Variants in NFAT5 observed in about 807,000 individuals in gnomAD.
NFAT5 encodes nuclear factor of activated T cells 5, also known as nuclear factor of activated T-cells 5.
Under a neutral mutation model 166.5 loss-of-function variants are expected in NFAT5, and 31 were observed. That is an observed-to-expected ratio of 0.19 (90% confidence interval 0.14 to 0.25). NFAT5 has a LOEUF of 0.25. NFAT5 is among the 10% of genes least tolerant of loss of function. NFAT5 has a pLI of 1.00. For synonymous variants in NFAT5, 612 were observed against 639.7 expected (o/e 0.96, Z 0.65); for missense variants, 1,449 against 1,821.8 (o/e 0.80, Z 3.72).
At position 69,693,010 on chromosome 16, in the gene NFAT5, G is replaced by A; in HGVS notation, c.3185G>A (p.Gly1062Asp). Residue 1062 changes from glycine (G) to aspartate (D), a missense_variant, in exon 13 of 15, where the codon GGT becomes GAT. Around this residue, in one of 7 missense-constraint regions of NFAT5, gnomAD observed 891 missense variants for 993.0 expected, o/e 0.90. Coordinates refer to ENST00000349945, the MANE Select transcript of NFAT5 (RefSeq NM_138713.4). ...AGTGGTACCCAACAACAAGGTAATG[G>A]TTTATTCCAGCAAGGGAATGAGATG... is the stretch of plus-strand genomic sequence containing the variant. ...QNSGTQQQGNGLFQQGNEMMS... is the reference protein window; with the variant it reads ...QNSGTQQQGNDLFQQGNEMMS... 2 of 1,614,064 alleles carry A rather than the reference G, an allele frequency of 1.2e-6. No homozygotes were observed. Among genetic ancestry groups the A allele is most frequent in the African/African-American group, 1.3e-5 (1 of 75,038 alleles).
intron 2 of NFAT5, among the ~76,000 whole-genome samples, chr16:69,571,742 GTAT>G (rs1026953314): frequency 6.6e-6 from 1 of 151,428 alleles, no homozygotes; most frequent in Non-Finnish European, 1.5e-5. Context: ...CTGCACTTGG[GTAT>G]TATTATTATT....
Position 69,566,838 on chromosome 16 carries a change from T to A in NFAT5, c.73+464T>A, listed in dbSNP as rs2016081937. On this transcript the variant is annotated intron_variant, in intron 1 of 14. Transcript: ENST00000349945. The surrounding 1 kb of genome is among the most constrained non-coding windows in gnomAD (Gnocchi z 5.7). ...GGGCGGCGTGGCCTGGAGCCGGTTC[T>A]GAGTGCAGGGTCACCATTTTCCTCC... is the stretch of plus-strand genomic sequence containing the variant. Among the ~76,000 whole-genome samples the A allele has an allele frequency of 6.6e-6, 1 of 152,152 alleles. No homozygotes were observed. Among genetic ancestry groups the A allele is most frequent in the Admixed American group, 6.5e-5 (1 of 15,288 alleles).
chr16:69,605,129 T>C lies in NFAT5; in HGVS notation c.128-21274T>C, dbSNP rs912966947. 1.1e-4 allele frequency among the ~76,000 whole-genome samples: 16 copies of C among 152,280 alleles called. 2 individuals carry two copies. The highest frequency in any genetic ancestry group is 3.9e-4 in the East Asian group (2 of 5,186). ...CTTTATTGGATGTTTAAAAATTCTA[T>C]AAAAATATTAATTAAAAAAGAAAGT... On this transcript the variant is annotated intron_variant, in intron 2 of 14. Transcript: ENST00000349945.
At position 69,693,230 on chromosome 16, in the gene NFAT5, T is replaced by G. The variant is rs764827000; in HGVS notation, c.3405T>G (p.Phe1135Leu). 6.2e-7 allele frequency: 1 copy of G among 1,614,090 alleles called. No individual in the cohort carries two copies. The highest frequency in any genetic ancestry group is 1.3e-5 in the African/African-American group (1 of 74,932). The change falls in exon 13 of 15, where the codon TTT becomes TTG. Residue 1135 changes from phenylalanine (F) to leucine (L), a missense_variant. This residue lies in a region of NFAT5 where 891 missense variants were observed against 993.0 expected (regional missense o/e 0.90). Transcript: ENST00000349945. ...TSSEQMQPPM[F>L]HSQSTIAVLQ... ...CTGAACAAATGCAGCCTCCAATGTTTCACTCTCAAAGTACCATTGCTGTGT... is the reference window on the plus strand; with the variant it reads ...CTGAACAAATGCAGCCTCCAATGTTGCACTCTCAAAGTACCATTGCTGTGT...
rs1464918426 is a variant in NFAT5 at position 69,568,374 on chromosome 16, GTGTATATA to G, written c.74-119_74-112del. 4.7e-3 allele frequency: 1,695 copies of G among 359,236 alleles called. 7 individuals are homozygous for G. The highest frequency in any genetic ancestry group is 0.013 in the Middle Eastern group (16 of 1,272). The allele number at this position is 359,236 out of a possible 1,614,324, so 22.3% of individuals were successfully genotyped here. Reference sequence around the variant, plus strand: ...TGTGTGTGTGTGTGTGTGTGTGTGTGTGTATATATATATATATATACACACACACACAT... The same window carrying G: ...TGTGTGTGTGTGTGTGTGTGTGTGTGTATATATATATACACACACACACAT... On this transcript the variant is annotated intron_variant, in intron 1 of 14. Coordinates refer to ENST00000349945, the MANE Select transcript of NFAT5 (RefSeq NM_138713.4).
intron 2 of NFAT5, among the ~76,000 whole-genome samples, chr16:69,586,404 A>T (rs970714234): frequency 1.3e-5 from 2 of 149,320 alleles, no homozygotes; most frequent in African/African-American, 2.5e-5. Context: ...TTAGATTGGA[A>T]TTTTTTTTTT....
In NFAT5 at chr16:69,647,359, G is replaced by T; in HGVS notation, c.585G>T (p.Glu195Asp). 6.2e-7 allele frequency: 1 copy of T among 1,614,120 alleles called. No homozygotes were observed. The highest frequency in any genetic ancestry group is 1.1e-5 in the South Asian group (1 of 91,084). The change falls in exon 4 of 15, where the codon GAG becomes GAT. Residue 195 changes from glutamate (E) to aspartate (D), a missense_variant. Around this residue, in one of 7 missense-constraint regions of NFAT5, gnomAD observed 115 missense variants for 177.1 expected, o/e 0.65. Coordinates refer to ENST00000349945, the MANE Select transcript of NFAT5 (RefSeq NM_138713.4). The surrounding 1 kb of genome is among the most constrained non-coding windows in gnomAD (Gnocchi z 4.8). ...ESEQSCSMWMEDSPSNFSNMS... is the reference protein window; with the variant it reads ...ESEQSCSMWMDDSPSNFSNMS... ...AGCAGAGCTGCAGTATGTGGATGGA[G>T]GATTCCCCCTCCAACTTCAGTAACA...
Position 69,693,300 on chromosome 16 carries a change from T to C in NFAT5, c.3475T>C (p.Phe1159Leu), listed in dbSNP as rs780190833. 1.4e-5 allele frequency: 22 copies of C among 1,614,034 alleles called. No homozygotes were observed. Among genetic ancestry groups the C allele is most frequent in the Non-Finnish European group, 1.7e-6 (2 of 1,180,038 alleles). ...VPQDQQSTNI[F>L]LSQSPMNNLQ... is the part of the protein sequence containing the mutation. ...TCAAGACCAGCAGTCAACCAACATATTTCTTTCCCAGAGTCCCATGAATAA... is the reference window on the plus strand; with the variant it reads ...TCAAGACCAGCAGTCAACCAACATACTTCTTTCCCAGAGTCCCATGAATAA... Residue 1159 changes from phenylalanine (F) to leucine (L), a missense_variant, in exon 13 of 15, where the codon TTT becomes CTT. Phe to Leu is a conservative substitution (Grantham distance 22). Coordinates refer to ENST00000349945, the MANE Select transcript of NFAT5 (RefSeq NM_138713.4).
intron 2 of NFAT5, among the ~76,000 whole-genome samples, chr16:69,606,404 C>T (rs1393933374): frequency 6.6e-6 from 1 of 152,052 alleles, no homozygotes; most frequent in Non-Finnish European, 1.5e-5. Flanking sequence ...ATTGCTGGAT[C>T]CTGTGATTCA....
chr16:69,574,243 G>GA (rs1258571388), intron 2 of NFAT5, among the ~76,000 whole-genome samples: 3 of 151,960 alleles, frequency 2.0e-5, no homozygotes, highest in African/African-American at 7.3e-5. Flanking sequence ...CAGGTAACTA[G>GA]AAAAAAATAA....
chr16:69,662,450 C>CTTTTT (rs539200298), intron 7 of NFAT5, among the ~76,000 whole-genome samples: 195 of 96,998 alleles, frequency 2.0e-3, no homozygotes, highest in Non-Finnish European at 2.5e-3. Flanking sequence ...ACACCTCTTT[C>CTTTTT]TTTTTTTTTT....
Position 69,642,212 on chromosome 16 carries a change from A to G in NFAT5, c.254-4816A>G, listed in dbSNP as rs182777749. Reference sequence around the variant, plus strand: ...ATGTAGACATTATTTAATATCTGCCAGTCTTTGAATCTCAACTATTTTTGA... The same window carrying G: ...ATGTAGACATTATTTAATATCTGCCGGTCTTTGAATCTCAACTATTTTTGA... On this transcript the variant is annotated intron_variant, in intron 3 of 14. Coordinates refer to ENST00000349945, the MANE Select transcript of NFAT5 (RefSeq NM_138713.4). Among the ~76,000 whole-genome samples the G allele has an allele frequency of 7.1e-3, 1,080 of 152,344 alleles. 18 individuals carry two copies. Among genetic ancestry groups the G allele is most frequent in the Middle Eastern group, 0.01 (3 of 294 alleles).
chr16:69,618,185 A>G (rs1372136179), intron 2 of NFAT5, among the ~76,000 whole-genome samples: 3 of 152,016 alleles, frequency 2.0e-5, no homozygotes, highest in Non-Finnish European at 2.9e-5. Context: ...ACTCTGTAGA[A>G]CTCAAGTTAG....
intron 2 of NFAT5, among the ~76,000 whole-genome samples, chr16:69,571,187 C>T (rs188630704): frequency 1.1e-3 from 149 of 134,966 alleles, no homozygotes; most frequent in African/African-American, 4.0e-3. Flanking sequence ...ACCTGTAATA[C>T]CAACTACTCG....
In NFAT5 at chr16:69,693,924, A is replaced by G; in HGVS notation, c.4099A>G (p.Thr1367Ala). 1 of 1,613,760 alleles carries G rather than the reference A, an allele frequency of 6.2e-7. No individual in the cohort carries two copies. The highest frequency in any genetic ancestry group is 2.2e-5 in the East Asian group (1 of 44,876). The change falls in exon 13 of 15, where the codon ACC (threonine) becomes GCC (alanine). Residue 1367 changes from threonine to alanine, a missense_variant. Physicochemically the swap from Thr to Ala is moderately conservative, Grantham distance 58. Around this residue, in one of 7 missense-constraint regions of NFAT5, gnomAD observed 891 missense variants for 993.0 expected, o/e 0.90. Coordinates refer to ENST00000349945, the MANE Select transcript of NFAT5 (RefSeq NM_138713.4). Reference sequence around the variant, plus strand: ...TCCTACCCAGTCGGAATCATCACAGACCCCCTTGTTCCATAGCTCTCCTCA... The same window carrying G: ...TCCTACCCAGTCGGAATCATCACAGGCCCCCTTGTTCCATAGCTCTCCTCA... ...PGPTQSESSQ[T>A]PLFHSSPQIQ...
intron 2 of NFAT5, 79 bp downstream of exon 2, chr16:69,568,627 A>G (rs2016256596): frequency 2.5e-6 from 3 of 1,217,914 alleles, no homozygotes; most frequent in South Asian, 2.7e-5. Context: ...ATGGGAAAGT[A>G]TGAAACTTTG....
At chr16:69,575,231 G>A (rs1162501669) in intron 2 of NFAT5, among the ~76,000 whole-genome samples, 1 of 151,916 alleles carries the variant, frequency 6.6e-6, no homozygotes, top group Non-Finnish European at 1.5e-5. Context: ...GCAGTGGTGC[G>A]ATCTGGGCTC....
chr16:69,578,011 T>TA (rs1567513515), intron 2 of NFAT5, among the ~76,000 whole-genome samples: 3 of 152,072 alleles, frequency 2.0e-5, no homozygotes, highest in African/African-American at 7.2e-5. Flanking sequence ...TTTTTTTTTT[T>TA]ACCTGTACTG....
chr16:69,648,568 A>G (rs987036446), intron 4 of NFAT5: 4 of 984,940 alleles, frequency 4.1e-6, no homozygotes, highest in Non-Finnish European at 4.8e-6. Flanking sequence ...CACACTACCC[A>G]CTAATATAGT....
Sources: allele counts gnomAD v4.1 joint callset (sites outside exome capture counted in the v4.1 genomes callset), GRCh38; gene constraint gnomAD v4.1.1; regional missense constraint gnomAD v4.1.1; non-coding constraint Gnocchi (gnomAD v3.1); transcripts MANE v1.5; gene names NCBI Gene and HGNC (gene_info 2026-07-23, HGNC 2026-07-21).